Variants in ZNF599 observed in about 807,000 individuals in gnomAD.
ZNF599 encodes the protein zinc finger protein 599.
A neutral mutation model predicts 11.7 loss-of-function variants in ZNF599; 10 were observed. That is an observed-to-expected ratio of 0.86 (90% confidence interval 0.53 to 1.45). The LOEUF (loss-of-function observed/expected upper bound fraction) is 1.45. Ranked by LOEUF, ZNF599 falls within the 40% of genes most tolerant of loss-of-function variation. The pLI is 0.00. For missense variants in ZNF599, 688 were observed against 713.6 expected (o/e 0.96, Z 0.41); for synonymous variants, 232 against 253.2 (o/e 0.92, Z 0.79).
chr19:34,775,460 G>A (rs147635711), upstream of ZNF599, among the ~76,000 whole-genome samples: 1,518 of 152,344 alleles, frequency 1.0e-2, 15 homozygotes, highest in Non-Finnish European at 0.015. Context: ...TATAGAGGTT[G>A]AAGGTAGATT....
upstream of ZNF599, among the ~76,000 whole-genome samples, chr19:34,775,501 G>A (rs1025450934): frequency 6.6e-6 from 1 of 152,216 alleles, no homozygotes; most frequent in South Asian, 2.1e-4. Flanking sequence ...GGGTAGTGGT[G>A]GGACAGCCGA....
chr19:34,772,557 G>C, intron 1 of ZNF599: 1 of 1,339,448 alleles, frequency 7.5e-7, no homozygotes, highest in Admixed American at 3.7e-5. Context: ...TTTTAGACCC[G>C]AGGGAATGGA....
chr19:34,803,139 C>A, the ZNF599 span, among the ~76,000 whole-genome samples: 71 of 152,268 alleles, frequency 4.7e-4, no homozygotes, highest in African/African-American at 1.6e-3. Flanking sequence ...GACTCCTGAT[C>A]CCCTTCCCAG....
At chr19:34,782,334 T>C in the ZNF599 span, among the ~76,000 whole-genome samples, 1 of 152,250 alleles carries the variant, frequency 6.6e-6, no homozygotes, top group East Asian at 1.9e-4. Context: ...AGGAATGTCT[T>C]GCAGAAACAA....
chr19:34,783,676 A>T, the ZNF599 span, among the ~76,000 whole-genome samples: 739 of 152,134 alleles, frequency 4.9e-3, 9 homozygotes, highest in African/African-American at 0.017. Flanking sequence ...AATATTTTTT[A>T]AAAAAACATC....
upstream of ZNF599, among the ~76,000 whole-genome samples, chr19:34,777,343 T>C (rs1330326661): frequency 8.9e-5 from 8 of 90,186 alleles, no homozygotes; most frequent in African/African-American, 3.5e-4. Context: ...TATATTAATA[T>C]ATTATATATT....
At chr19:34,802,404 C>G in the ZNF599 span, among the ~76,000 whole-genome samples, 1 of 152,158 alleles carries the variant, frequency 6.6e-6, no homozygotes, top group South Asian at 2.1e-4. Context: ...GCTGATGACA[C>G]AAGAGGTGTG....
At chr19:34,772,354 T>C (rs924425263) in intron 1 of ZNF599, 1 of 994,360 alleles carries the variant, frequency 1.0e-6, no homozygotes, top group African/African-American at 1.7e-5. Flanking sequence ...CTCGAGGCTC[T>C]CATTCCCTCT....
the ZNF599 span, among the ~76,000 whole-genome samples, chr19:34,791,485 T>C: frequency 6.6e-6 from 1 of 152,226 alleles, no homozygotes; most frequent in African/African-American, 2.4e-5. Context: ...GGGCTGCTGA[T>C]ATTGTAAAGT....
rs183940556 is a variant in ZNF599 at position 34,764,304 on chromosome 19, C to A, written c.241+3012G>T. 21 of 152,288 alleles carry A rather than the reference C, an allele frequency of 1.4e-4. 1 individual carries two copies. The highest frequency in any genetic ancestry group is 1.2e-3 in the Admixed American group (19 of 15,294). 9.4% of individuals were successfully genotyped at this position (152,288 alleles called of 1,614,324 possible). On this transcript the variant is annotated intron_variant, in intron 3 of 3. Coordinates refer to ENST00000329285, the MANE Select transcript of ZNF599 (RefSeq NM_001007248.3). ...ACCAACTGCTCAGGCGTACATGGAACAATGAAGACTCTCATACGTGGCTAG... is the reference window on the plus strand; with the variant it reads ...ACCAACTGCTCAGGCGTACATGGAAAAATGAAGACTCTCATACGTGGCTAG...
the ZNF599 span, among the ~76,000 whole-genome samples, chr19:34,804,202 C>T: frequency 6.6e-6 from 1 of 152,248 alleles, no homozygotes. Flanking sequence ...TGCCCCTGTG[C>T]TAATCCACTA....
chr19:34,777,379 TATTA>T (rs1266156275), upstream of ZNF599, among the ~76,000 whole-genome samples: 6 of 91,712 alleles, frequency 6.5e-5, no homozygotes, highest in Non-Finnish European at 1.2e-4. Context: ...ATATATTATA[TATTA>T]ATTAATATAT....
chr19:34,783,865 G>C, the ZNF599 span, among the ~76,000 whole-genome samples: 1 of 152,002 alleles, frequency 6.6e-6, no homozygotes, highest in Non-Finnish European at 1.5e-5. Context: ...CGTAACTCTA[G>C]GCCCCACCTG....
intron 2 of ZNF599, among the ~76,000 whole-genome samples, chr19:34,767,760 G>C (rs1416231499): frequency 6.6e-6 from 1 of 152,182 alleles, no homozygotes; most frequent in Non-Finnish European, 1.5e-5. Flanking sequence ...TCTATTGATA[G>C]TCAGTTGTGT....
intron 1 of ZNF599, chr19:34,772,587 A>G: frequency 1.5e-6 from 2 of 1,338,656 alleles, no homozygotes; most frequent in Non-Finnish European, 1.9e-6. Context: ...CAGCGAGGCG[A>G]CAGCTCCAGG....
chr19:34,785,166 G>C, the ZNF599 span, among the ~76,000 whole-genome samples: 2 of 151,914 alleles, frequency 1.3e-5, no homozygotes, highest in Non-Finnish European at 2.9e-5. Context: ...GTCCTTTCCA[G>C]CTGCTAAGCC....
chr19:34,783,485 T>C, the ZNF599 span, among the ~76,000 whole-genome samples: 3 of 152,184 alleles, frequency 2.0e-5, no homozygotes, highest in South Asian at 6.2e-4. Context: ...GACAGTGTCC[T>C]GGGCTGCAGG....
chr19:34,765,675 A>G, intron 3 of ZNF599: 1 of 703,030 alleles, frequency 1.4e-6, no homozygotes, highest in Admixed American at 2.0e-5. Context: ...TGAATCAGTA[A>G]GTGTCAAAAA....
intron 3 of ZNF599, chr19:34,765,727 C>A: frequency 1.4e-6 from 1 of 699,736 alleles, no homozygotes; most frequent in South Asian, 1.5e-5. Flanking sequence ...TAAAGTAGGT[C>A]AGATGCTCTG....
Sources: gnomAD v4.1 joint callset for allele counts (sites outside exome capture counted in the v4.1 genomes callset) on GRCh38, gnomAD v4.1.1 for gene constraint, MANE v1.5 for transcripts, NCBI Gene and HGNC (gene_info 2026-07-23, HGNC 2026-07-21) for gene names.